CNTN4: variants seen among roughly 807,000 people sequenced by gnomAD.
The protein encoded by CNTN4 is contactin-4.
A neutral mutation model predicts 122.5 loss-of-function variants in CNTN4; 77 were observed. That is an observed-to-expected ratio of 0.63 (90% CI 0.52 to 0.76). The LOEUF is 0.76. CNTN4 is among the 30% of genes least tolerant of loss of function. The probability of loss-of-function intolerance (pLI) is 0.00; values close to 1 mark genes in which losing one functional copy is unlikely to be tolerated. For synonymous variants in CNTN4, 512 were observed against 447.0 expected, an observed-to-expected ratio of 1.15 and a Z score of -1.83; for missense variants, 1,256 against 1,259.1, an observed-to-expected ratio of 1.00 and a Z score of 0.04.
intron 3 of CNTN4, among the ~76,000 whole-genome samples, chr3:2,404,161 T>C (rs533675487): frequency 6.6e-6 from 1 of 152,316 alleles, no homozygotes; most frequent in African/African-American, 2.4e-5. Flanking sequence ...CTCTAATGAA[T>C]TACCACAAAT....
At chr3:2,588,978 C>G (rs1256585728) in intron 4 of CNTN4, among the ~76,000 whole-genome samples, 1 of 152,016 alleles carries the variant, frequency 6.6e-6, no homozygotes, top group African/African-American at 2.4e-5. Flanking sequence ...CAATTTGGGG[C>G]TAAGATGTAA....
chr3:3,005,037 A>T (rs1457352486), intron 14 of CNTN4, among the ~76,000 whole-genome samples: 1 of 152,242 alleles, frequency 6.6e-6, no homozygotes, highest in Non-Finnish European at 1.5e-5. Context: ...GGAAATAAGC[A>T]CACATTCACT....
intron 6 of CNTN4, among the ~76,000 whole-genome samples, chr3:2,802,047 C>G (rs1174723395): frequency 1.3e-5 from 2 of 152,184 alleles, no homozygotes; most frequent in African/African-American, 2.4e-5. Context: ...ACAACTACTT[C>G]TAATTTTGTT....
chr3:2,368,029 C>CTTTTTT (rs549023861), intron 3 of CNTN4, among the ~76,000 whole-genome samples: 3 of 109,818 alleles, frequency 2.7e-5, no homozygotes, highest in African/African-American at 7.5e-5. Context: ...TAGAAAACTT[C>CTTTTTT]TTTTTTTTTT....
At chr3:2,347,336 C>T (rs543750430) in intron 3 of CNTN4, among the ~76,000 whole-genome samples, 1 of 130,730 alleles carries the variant, frequency 7.6e-6, no homozygotes, top group Non-Finnish European at 1.7e-5. Flanking sequence ...GGAATTGACA[C>T]ACGTCATTTT....
intron 2 of CNTN4, among the ~76,000 whole-genome samples, chr3:2,125,683 G>C (rs1036863445): frequency 6.6e-6 from 1 of 150,700 alleles, no homozygotes; most frequent in African/African-American, 2.4e-5. Flanking sequence ...TCAGCCTCCT[G>C]AGTAGCTGGG....
chr3:2,632,138 C>G (rs573704007), intron 4 of CNTN4, among the ~76,000 whole-genome samples: 29 of 152,014 alleles, frequency 1.9e-4, no homozygotes, highest in African/African-American at 6.8e-4. Flanking sequence ...TATGTCTCTC[C>G]TGATCTGTAA....
chr3:2,420,842 G>T (rs6784640), intron 3 of CNTN4, among the ~76,000 whole-genome samples: 40,690 of 151,982 alleles, frequency 0.27, 5,982 homozygotes, highest in Admixed American at 0.37. Flanking sequence ...GTCTGCTTCT[G>T]TGATTAACGT....
intron 2 of CNTN4, among the ~76,000 whole-genome samples, chr3:2,200,788 A>T (rs1165373677): frequency 6.6e-6 from 1 of 152,130 alleles, no homozygotes; most frequent in African/African-American, 2.4e-5. Flanking sequence ...GTCCTGAATG[A>T]ATGTGGTGCA....
At chr3:2,643,373 C>T (rs2082979813) in intron 4 of CNTN4, among the ~76,000 whole-genome samples, 1 of 152,064 alleles carries the variant, frequency 6.6e-6, no homozygotes, top group South Asian at 2.1e-4. Flanking sequence ...GGAGTTTCAT[C>T]ATGTTGGCCA....
At chr3:2,465,841 T>C (rs539877452) in intron 3 of CNTN4, among the ~76,000 whole-genome samples, 2 of 152,338 alleles carry the variant, frequency 1.3e-5, no homozygotes, top group East Asian at 1.9e-4. Flanking sequence ...CATGAGGTGC[T>C]ATAGGTCTAC....
intron 2 of CNTN4, among the ~76,000 whole-genome samples, chr3:2,170,118 G>C (rs932918495): frequency 6.6e-6 from 1 of 151,890 alleles, no homozygotes; most frequent in Admixed American, 6.6e-5. Flanking sequence ...TCAGGAGATC[G>C]AGACCATCCT....
chr3:2,729,677 T>A (rs9310837), intron 4 of CNTN4, among the ~76,000 whole-genome samples: 72,407 of 151,906 alleles, frequency 0.48, 18,102 homozygotes, highest in African/African-American at 0.63. Flanking sequence ...CACTTTGGGA[T>A]GCGAAGGCAG....
chr3:2,134,536 T>C (rs1047234205), intron 2 of CNTN4, among the ~76,000 whole-genome samples: 1 of 152,166 alleles, frequency 6.6e-6, no homozygotes, highest in Non-Finnish European at 1.5e-5. Flanking sequence ...TAAGAAAGTT[T>C]TATGTCCTCA....
chr3:2,805,357 G>A (rs2092442098), intron 6 of CNTN4, among the ~76,000 whole-genome samples: 1 of 152,260 alleles, frequency 6.6e-6, no homozygotes, highest in South Asian at 2.1e-4. Flanking sequence ...AACTGCACTA[G>A]GAAAGTTGCA....
intron 3 of CNTN4, among the ~76,000 whole-genome samples, chr3:2,499,159 T>G (rs2076530139): frequency 6.6e-6 from 1 of 152,222 alleles, no homozygotes; most frequent in Non-Finnish European, 1.5e-5. Context: ...TTCTCTTGCA[T>G]CCTCTAAAAT....
intron 12 of CNTN4, among the ~76,000 whole-genome samples, chr3:2,906,810 C>A (rs1215502517): frequency 1.4e-5 from 2 of 148,084 alleles, no homozygotes; most frequent in Admixed American, 1.4e-4. Context: ...TGTCATTGCA[C>A]TCCGGCCTGG....
chr3:2,124,464 AC>A lies in CNTN4; in HGVS notation c.-145+23826del, dbSNP rs1559265650. ...CACACACACACACACACACACACAC[AC>A]ACACACACCCCCTTAAGCAAGGTAT... On this transcript the variant is annotated intron_variant, in intron 2 of 24. Transcript: ENST00000418658. Among the ~76,000 whole-genome samples the A allele has an allele frequency of 6.0e-5, 9 of 149,226 alleles. 1 individual carries two copies. Among genetic ancestry groups the A allele is most frequent in the Middle Eastern group, 6.8e-3 (2 of 292 alleles).
chr3:2,468,833 G>A (rs1575699778), intron 3 of CNTN4, among the ~76,000 whole-genome samples: 1 of 152,168 alleles, frequency 6.6e-6, no homozygotes, highest in East Asian at 1.9e-4. Context: ...AAAAATGGGG[G>A]AAAGGGATGC....
Sources: allele counts gnomAD v4.1 joint callset (sites outside exome capture counted in the v4.1 genomes callset), GRCh38; gene constraint gnomAD v4.1.1; transcripts MANE v1.5; gene names NCBI Gene and HGNC (gene_info 2026-07-23, HGNC 2026-07-21).